KIF27: variants seen among roughly 807,000 people sequenced by gnomAD.
The protein encoded by KIF27 is kinesin family member 27, also known as kinesin-like protein KIF27.
A neutral mutation model predicts 141.8 loss-of-function variants in KIF27; 84 were observed. The observed-to-expected ratio is 0.59, with a 90% CI of 0.50 to 0.71. The LOEUF (loss-of-function observed/expected upper bound fraction) is 0.71, where lower values mean the gene tolerates loss of function less well. Among genes scored for constraint, KIF27 ranks in the 30% least tolerant of loss-of-function variants. The pLI is 0.00. For synonymous variants in KIF27, 471 were observed against 569.5 expected (o/e 0.83, Z 2.46); for missense variants, 1,306 against 1,628.4 (o/e 0.80, Z 3.41).
At chr9:83,843,584 T>A (rs1030257180) in intron 16 of KIF27, among the ~76,000 whole-genome samples, 22 of 152,200 alleles carry the variant, frequency 1.4e-4, no homozygotes, top group Non-Finnish European at 3.1e-4. Context: ...ATACTTAAAA[T>A]TAATGAGATC....
At chr9:83,914,056 A>T (rs774021602) in intron 2 of KIF27, among the ~76,000 whole-genome samples, 1 of 152,028 alleles carries the variant, frequency 6.6e-6, no homozygotes, top group African/African-American at 2.4e-5. Context: ...TAACTTCAAT[A>T]ACTTTTTCCC....
At chr9:83,868,050 T>A (rs1217370254) in intron 12 of KIF27, 190 bp from the exon 13 acceptor site, 4 of 556,176 alleles carry the variant, frequency 7.2e-6, no homozygotes, top group Non-Finnish European at 1.2e-5. Flanking sequence ...GCTATGTTGT[T>A]TTATAAAGAA....
rs1946653649 is a variant in KIF27 at position 83,842,195 on chromosome 9, C to T, written c.3721+42G>A. 2.7e-6 allele frequency: 4 copies of T among 1,472,542 alleles called. No homozygotes were observed. In the South Asian group the frequency reaches 5.8e-5, roughly 21 times the overall value. The allele number at this position is 1,472,542 out of a possible 1,614,324, so 91.2% of individuals were successfully genotyped here. ...AAAGCTGGCATGACTTCACCAAATG[C>T]TAGAGAAACAGTGTTAAGAGTGACA... On this transcript the variant is annotated intron_variant, in intron 17 of 17. Coordinates refer to ENST00000297814, the MANE Select transcript of KIF27 (RefSeq NM_017576.4).
chr9:83,835,076 G>T lies in KIF27; in HGVS notation c.*1925C>A, dbSNP rs1471557787. Among the ~76,000 whole-genome samples, 1 of 149,604 alleles carries T rather than the reference G, an allele frequency of 6.7e-6. No individual in the cohort carries two copies. The highest frequency in any genetic ancestry group is 1.5e-5 in the Non-Finnish European group (1 of 67,468). ...AGTTCCTTGTAAGATTATGTGCTAT[G>T]CCTTAGTTAGAAATAATTAATTTAC... On this transcript the variant is annotated 3_prime_UTR_variant, in exon 18 of 18. Transcript: ENST00000297814.
intron 7 of KIF27, among the ~76,000 whole-genome samples, chr9:83,888,798 C>A (rs527548263): frequency 1.4e-4 from 17 of 118,242 alleles, no homozygotes; most frequent in African/African-American, 5.0e-4. Context: ...GCCAACGTGG[C>A]AGCAGAATAA....
chr9:83,841,621 T>C (rs974402942), intron 17 of KIF27, among the ~76,000 whole-genome samples: 6 of 152,208 alleles, frequency 3.9e-5, no homozygotes, highest in African/African-American at 1.2e-4. Context: ...TTTAGAAATA[T>C]TGATTCCTCT....
At chr9:83,846,168 A>G (rs1279735871) in intron 16 of KIF27, among the ~76,000 whole-genome samples, 2 of 152,160 alleles carry the variant, frequency 1.3e-5, no homozygotes, top group Non-Finnish European at 2.9e-5. Context: ...ATATGGCACC[A>G]TTCCTCAGGG....
chr9:83,880,476 G>A lies in KIF27; in HGVS notation c.2464C>T (p.Gln822Ter). The part of the protein sequence containing the change: ...LRVQVLQKKQ[Q>*]DSKKLASLSI... Reference sequence around the variant, plus strand: ...AGTGATGCCAGTTTCTTACTATCTTGTTGCTTCTTCTGCAAGACCTGAGAT... The same window carrying A: ...AGTGATGCCAGTTTCTTACTATCTTATTGCTTCTTCTGCAAGACCTGAGAT... The change falls in exon 11 of 18, where the codon CAA (glutamine) becomes TAA (stop). Residue 822 changes from glutamine to a stop codon, truncating the protein, a stop_gained. Transcript: ENST00000297814. LOFTEE classifies it high-confidence loss of function. 1.2e-6 allele frequency: 2 copies of A among 1,610,836 alleles called. No individual in the cohort carries two copies. The highest frequency in any genetic ancestry group is 1.7e-6 in the Non-Finnish European group (2 of 1,179,552).
intron 13 of KIF27, among the ~76,000 whole-genome samples, chr9:83,861,647 A>G (rs987705364): frequency 6.6e-5 from 10 of 151,998 alleles, no homozygotes; most frequent in African/African-American, 2.4e-4. Flanking sequence ...ATATGTGTGC[A>G]TGTGTCTTTA....
At chr9:83,846,499 G>T (rs996820097) in intron 16 of KIF27, among the ~76,000 whole-genome samples, 3 of 152,220 alleles carry the variant, frequency 2.0e-5, no homozygotes, top group African/African-American at 7.2e-5. Flanking sequence ...TAGATTGATG[G>T]AACGGTGGAA....
chr9:83,902,952 T>A, intron 4 of KIF27, 108 bp downstream of exon 4: 2 of 604,446 alleles, frequency 3.3e-6, no homozygotes, highest in Non-Finnish European at 5.4e-6. Context: ...CTTAAAAGAG[T>A]TATCCATAAC....
At chr9:83,862,236 A>G (rs1215662166) in intron 13 of KIF27, among the ~76,000 whole-genome samples, 1 of 152,038 alleles carries the variant, frequency 6.6e-6, no homozygotes, top group African/African-American at 2.4e-5. Flanking sequence ...TGTTTTAGAC[A>G]TGAAGTCCTT....
intron 5 of KIF27, 107 bp from the exon 6 acceptor site, chr9:83,891,608 T>C: frequency 9.9e-7 from 1 of 1,009,538 alleles, no homozygotes; most frequent in Non-Finnish European, 1.4e-6. Flanking sequence ...ACTTTAATAA[T>C]ACAGTCAATT....
rs1295375127 is a variant in KIF27, at chr9:83,874,876, G to C, written c.2644-4244C>G. Among the ~76,000 whole-genome samples the C allele has an allele frequency of 2.0e-5, 3 of 148,942 alleles. No homozygotes were observed. In the East Asian group the frequency reaches 6.0e-4, roughly 30 times the overall value. ...TTGAGCCCAGGAGGCCAAGGCTACA[G>C]TGAGCCATGATCACATCACTGCACT... On this transcript the variant is annotated intron_variant, in intron 11 of 17. Transcript: ENST00000297814.
chr9:83,885,951 T>TG (rs1208249058), intron 9 of KIF27, among the ~76,000 whole-genome samples: 1 of 149,094 alleles, frequency 6.7e-6, no homozygotes, highest in Non-Finnish European at 1.5e-5. Flanking sequence ...TTTGTGTTGT[T>TG]TTTTTTTTTT....
chr9:83,906,718 G>GGCT (rs1243941137), intron 3 of KIF27, among the ~76,000 whole-genome samples: 1 of 147,646 alleles, frequency 6.8e-6, no homozygotes, highest in Non-Finnish European at 1.5e-5. Context: ...ACTCCAGCCT[G>GGCT]GCTGACAGAG....
intron 10 of KIF27, 28 bp downstream of exon 10, chr9:83,883,785 G>A: frequency 6.6e-7 from 1 of 1,514,936 alleles, no homozygotes; most frequent in South Asian, 1.1e-5. Context: ...GCTTAAATAA[G>A]TTTTCTCAAT....
At chr9:83,886,751 G>GT (rs1297428078) in intron 9 of KIF27, among the ~76,000 whole-genome samples, 1 of 151,826 alleles carries the variant, frequency 6.6e-6, no homozygotes, top group Non-Finnish European at 1.5e-5. Context: ...GTGAGACCCT[G>GT]TTTCAAAAAA....
intron 17 of KIF27, among the ~76,000 whole-genome samples, chr9:83,841,018 AG>A (rs1421114429): frequency 5.9e-5 from 9 of 152,298 alleles, no homozygotes; most frequent in Admixed American, 3.9e-4. Flanking sequence ...TGAGGGCTAA[AG>A]GGAATTATTC....
Sources: allele counts gnomAD v4.1 joint callset (sites outside exome capture counted in the v4.1 genomes callset), GRCh38; gene constraint gnomAD v4.1.1; transcripts MANE v1.5; gene names NCBI Gene and HGNC (gene_info 2026-07-23, HGNC 2026-07-21).